Variants in MACROD2 observed in about 807,000 individuals in gnomAD.
MACROD2 encodes mono-ADP ribosylhydrolase 2, also known as ADP-ribose glycohydrolase MACROD2.
A neutral mutation model predicts 70.4 loss-of-function variants in MACROD2; 36 were observed. The ratio of observed to expected loss-of-function variants is 0.51; its 90% CI spans 0.39 to 0.68. MACROD2 has a LOEUF of 0.68. MACROD2 is among the 30% of genes least tolerant of loss of function. MACROD2 has a pLI of 0.00. For missense variants in MACROD2, 496 were observed against 538.4 expected (o/e 0.92, Z 0.78); for synonymous variants, 172 against 178.8 (o/e 0.96, Z 0.30).
chr20:15,708,450 T>C (rs2050570616), intron 8 of MACROD2, among the ~76,000 whole-genome samples: 1 of 151,930 alleles, frequency 6.6e-6, no homozygotes, highest in African/African-American at 2.4e-5. Context: ...GGAAAGAGCA[T>C]CCTGGGAAGT....
Position 14,131,783 on chromosome 20 carries a change from C to G in MACROD2, c.271+46055C>G, listed in dbSNP as rs570016437. ...TCACTCTGTCACTCAGGTTGGAATA[C>G]AATGGCACCATATAGCTCACTGCAG... On this transcript the variant is annotated intron_variant, in intron 3 of 17. Transcript: ENST00000684519. Among the ~76,000 whole-genome samples the G allele has an allele frequency of 2.0e-4, 31 of 152,144 alleles. 1 individual carries two copies. Among genetic ancestry groups the G allele is most frequent in the Admixed American group, 1.8e-3 (28 of 15,282 alleles).
rs560764759 is a variant in MACROD2 at position 15,391,191 on chromosome 20, A to G, written c.541-40214A>G. On this transcript the variant is annotated intron_variant, in intron 6 of 17. Transcript: ENST00000684519. Reference sequence around the variant, plus strand: ...ACTCCTGCCTGCTTCTGAGGTTTGGATGATCCTTCTAACCTTTAAAAGTGG... The same window carrying G: ...ACTCCTGCCTGCTTCTGAGGTTTGGGTGATCCTTCTAACCTTTAAAAGTGG... Among the ~76,000 whole-genome samples, 7 of 152,324 alleles carry G rather than the reference A, an allele frequency of 4.6e-5. No homozygotes were observed. In the South Asian group the frequency reaches 1.4e-3, roughly 32 times the overall value.
At chr20:14,203,261 T>C (rs1013072348) in intron 3 of MACROD2, among the ~76,000 whole-genome samples, 3 of 152,132 alleles carry the variant, frequency 2.0e-5, no homozygotes. Flanking sequence ...TCTATCTCTT[T>C]ATTGAATTTC....
At chr20:14,164,096 A>T (rs938631041) in intron 3 of MACROD2, among the ~76,000 whole-genome samples, 98 of 151,458 alleles carry the variant, frequency 6.5e-4, no homozygotes, top group African/African-American at 2.3e-3. Flanking sequence ...AGTTTGCTTT[A>T]TAGGGGAGAA....
At chr20:15,888,776 A>G (rs554593574) in intron 10 of MACROD2, among the ~76,000 whole-genome samples, 3 of 152,178 alleles carry the variant, frequency 2.0e-5, no homozygotes, top group South Asian at 2.1e-4. Context: ...CCAATTTCCT[A>G]TACCTGAGTG....
intron 3 of MACROD2, among the ~76,000 whole-genome samples, chr20:14,190,699 T>TATATATATATA (rs1491544961): frequency 3.8e-4 from 6 of 15,696 alleles, no homozygotes; most frequent in South Asian, 5.4e-3. Flanking sequence ...TATATATATA[T>TATATATATATA]TTTTTTTTTT....
chr20:14,503,474 G>C (rs1040759198), intron 4 of MACROD2, among the ~76,000 whole-genome samples: 8 of 152,204 alleles, frequency 5.3e-5, no homozygotes, highest in Non-Finnish European at 1.2e-4. Flanking sequence ...GGCTTTGAGA[G>C]TGGGGCTGAA....
intron 8 of MACROD2, among the ~76,000 whole-genome samples, chr20:15,717,315 G>A (rs924440717): frequency 6.6e-6 from 1 of 152,206 alleles, no homozygotes; most frequent in Non-Finnish European, 1.5e-5. Context: ...CTACAGCCTG[G>A]TAGAGTTCAG....
At chr20:14,515,473 A>ACGCGCGCGCGCGCGCGCG (rs1406815284) in intron 4 of MACROD2, among the ~76,000 whole-genome samples, 15 of 67,548 alleles carry the variant, frequency 2.2e-4, no homozygotes, top group African/African-American at 1.1e-3. Flanking sequence ...ACGCACACAC[A>ACGCGCGCGCGCGCGCGCG]CACACACACA....
chr20:14,303,057 C>T (rs2082489873), intron 3 of MACROD2, among the ~76,000 whole-genome samples: 1 of 152,158 alleles, frequency 6.6e-6, no homozygotes, highest in South Asian at 2.1e-4. Flanking sequence ...TTCCAAAGTT[C>T]CTTCCTCTGA....
At position 14,479,180 on chromosome 20, in the gene MACROD2, C is replaced by T. The variant is rs894677693; in HGVS notation, c.272-14299C>T. 3.3e-5 allele frequency among the ~76,000 whole-genome samples: 5 copies of T among 152,212 alleles called. No individual in the cohort carries two copies. In the South Asian group the frequency reaches 8.3e-4, roughly 25 times the overall value. On this transcript the variant is annotated intron_variant, in intron 3 of 17. Coordinates refer to ENST00000684519, the MANE Select transcript of MACROD2 (RefSeq NM_001351661.2). ...GTCTGTGGGAGATGGAAAGCCCTTC[C>T]TGGGCTGGGTGCTTGTGGTAAGATT... is the stretch of plus-strand genomic sequence containing the variant.
intron 4 of MACROD2, among the ~76,000 whole-genome samples, chr20:14,572,929 G>A (rs952364124): frequency 4.0e-5 from 6 of 151,074 alleles, no homozygotes; most frequent in Non-Finnish European, 5.9e-5. Context: ...GATATGAATT[G>A]GAATCAGTTT....
chr20:14,825,973 A>G (rs1399277807), intron 5 of MACROD2, among the ~76,000 whole-genome samples: 2 of 152,152 alleles, frequency 1.3e-5, no homozygotes, highest in East Asian at 3.8e-4. Flanking sequence ...ATAAGGAGAT[A>G]GGCTTTTATA....
chr20:14,736,312 T>G (rs1221169544), intron 5 of MACROD2, among the ~76,000 whole-genome samples: 1 of 152,126 alleles, frequency 6.6e-6, no homozygotes, highest in Non-Finnish European at 1.5e-5. Flanking sequence ...AATTAGTGAT[T>G]GCCAGAGGGA....
chr20:15,094,200 A>G (rs2075812384), intron 5 of MACROD2, among the ~76,000 whole-genome samples: 1 of 152,202 alleles, frequency 6.6e-6, no homozygotes, highest in Non-Finnish European at 1.5e-5. Context: ...TTTGCCTTCT[A>G]TGTCCAAATA....
At chr20:16,034,467 A>G (rs1309722666) in intron 15 of MACROD2, among the ~76,000 whole-genome samples, 1 of 152,026 alleles carries the variant, frequency 6.6e-6, no homozygotes, top group Non-Finnish European at 1.5e-5. Context: ...ATTAGCTTAA[A>G]AAGAACATAA....
At chr20:14,747,565 G>T (rs1237305655) in intron 5 of MACROD2, among the ~76,000 whole-genome samples, 2 of 152,004 alleles carry the variant, frequency 1.3e-5, no homozygotes, top group African/African-American at 2.4e-5. Flanking sequence ...AGGATTGCTT[G>T]GTAAAGAGCA....
intron 8 of MACROD2, among the ~76,000 whole-genome samples, chr20:15,500,510 A>C (rs1364951735): frequency 1.3e-5 from 2 of 152,184 alleles, no homozygotes; most frequent in African/African-American, 4.8e-5. Context: ...GAGATTTGTC[A>C]GTTTACATAT....
At position 14,839,277 on chromosome 20, in the gene MACROD2, T is replaced by G. The variant is rs1047357265; in HGVS notation, c.418+154318T>G. Among the ~76,000 whole-genome samples the G allele has an allele frequency of 7.9e-5, 12 of 152,260 alleles. No homozygotes were observed. In the South Asian group the frequency reaches 2.3e-3, roughly 29 times the overall value. On this transcript the variant is annotated intron_variant, in intron 5 of 17. Transcript: ENST00000684519. ...ATTGATTTGCATTTCCCTTTGTGAT[T>G]TTGAACTCCTTTTAGCTTCTTAATA... is the stretch of plus-strand genomic sequence containing the variant.
Sources: gnomAD v4.1 joint callset for allele counts (sites outside exome capture counted in the v4.1 genomes callset) on GRCh38, gnomAD v4.1.1 for gene constraint, MANE v1.5 for transcripts, NCBI Gene and HGNC (gene_info 2026-07-23, HGNC 2026-07-21) for gene names.